Variants in SLIT3 observed in about 807,000 individuals in gnomAD.
SLIT3 encodes slit homolog 3 protein.
In SLIT3, 68 loss-of-function variants were observed where a neutral mutation model predicts 184.0. That is an observed-to-expected ratio of 0.37 (90% CI 0.30 to 0.45). The LOEUF (loss-of-function observed/expected upper bound fraction) is 0.45. Among genes scored for constraint, SLIT3 ranks in the 20% least tolerant of loss-of-function variants. SLIT3 has a pLI of 1.00. For missense variants in SLIT3, 1,707 were observed against 2,026.0 expected, an observed-to-expected ratio of 0.84 and a Z score of 3.02; for synonymous variants, 831 against 828.6, an observed-to-expected ratio of 1.00 and a Z score of -0.05.
intron 4 of SLIT3, among the ~76,000 whole-genome samples, chr5:169,167,187 A>G (rs1200107104): frequency 6.7e-6 from 1 of 148,838 alleles, no homozygotes; most frequent in Non-Finnish European, 1.5e-5. Context: ...CAAAAACAAA[A>G]ACAAAACAAA....
At chr5:168,807,913 G>A (rs951261552) in intron 8 of SLIT3, among the ~76,000 whole-genome samples, 3 of 152,114 alleles carry the variant, frequency 2.0e-5, no homozygotes, top group Non-Finnish European at 2.9e-5. Flanking sequence ...AATAGTCCTC[G>A]TGGCCCCAAG....
At chr5:168,887,202 T>A (rs143379950) in intron 4 of SLIT3, among the ~76,000 whole-genome samples, 1 of 152,184 alleles carries the variant, frequency 6.6e-6, no homozygotes, top group African/African-American at 2.4e-5. Flanking sequence ...CCCCTACCCC[T>A]GCAAGACTAG....
intron 4 of SLIT3, among the ~76,000 whole-genome samples, chr5:169,103,900 T>C (rs1760107555): frequency 6.6e-6 from 1 of 152,196 alleles, no homozygotes; most frequent in South Asian, 2.1e-4. Context: ...AGGGGCAGGA[T>C]GCAGGGCCGA....
intron 9 of SLIT3, among the ~76,000 whole-genome samples, chr5:168,802,142 A>T (rs1309925590): frequency 7.0e-6 from 1 of 142,404 alleles, no homozygotes; most frequent in Admixed American, 6.8e-5. Context: ...GGAATTCTCA[A>T]TAAGAAAAAA....
chr5:168,815,512 G>A (rs35558030), intron 8 of SLIT3, among the ~76,000 whole-genome samples: 20,100 of 152,098 alleles, frequency 0.13, 1,698 homozygotes, highest in East Asian at 0.29. Context: ...ACCCTTTGCC[G>A]AATAATTACT....
At chr5:168,933,698 G>A (rs867997633) in intron 4 of SLIT3, among the ~76,000 whole-genome samples, 2 of 152,160 alleles carry the variant, frequency 1.3e-5, no homozygotes, top group South Asian at 2.1e-4. Context: ...CTCTAGCTCC[G>A]AAGCATTGAT....
Position 168,708,100 on chromosome 5 carries a change from C to T in SLIT3, c.2720G>A (p.Gly907Glu). The T allele has an allele frequency of 6.2e-7, 1 of 1,614,168 alleles. No individual in the cohort carries two copies. ...GGCCACAATGTTGATGTCCACTGGC[C>T]CTGGGCAGCAAAACCAGAGTACTGA... ...TTPTHRFQCK[G>E]PVDINIVAKC... Residue 907 changes from glycine to glutamate, a missense_variant and splice_region_variant, in exon 26 of 36, where the codon GGG (glycine) becomes GAG (glutamate). By Grantham distance (98) the Gly-to-Glu change is moderately conservative. Coordinates refer to ENST00000519560, the MANE Select transcript of SLIT3 (RefSeq NM_003062.4).
At position 169,221,824 on chromosome 5, in the gene SLIT3, C is replaced by T. The variant is rs117653108; in HGVS notation, c.341+22881G>A. Among the ~76,000 whole-genome samples, 173 of 152,308 alleles carry T rather than the reference C, an allele frequency of 1.1e-3. 2 individuals are homozygous for T. The East Asian group carries it at 0.028, about 25-fold the overall frequency. Reference sequence around the variant, plus strand: ...CTTCACTGAGAAGCTCCTTTCTTCCCACTATGTCTCTGCCTCATCCAGACA... The same window carrying T: ...CTTCACTGAGAAGCTCCTTTCTTCCTACTATGTCTCTGCCTCATCCAGACA... On this transcript the variant is annotated intron_variant, in intron 3 of 35. Coordinates refer to ENST00000519560, the MANE Select transcript of SLIT3 (RefSeq NM_003062.4).
At chr5:168,755,835 C>T (rs145014467) in intron 16 of SLIT3, among the ~76,000 whole-genome samples, 1 of 152,176 alleles carries the variant, frequency 6.6e-6, no homozygotes, top group Non-Finnish European at 1.5e-5. Context: ...GAGATCAGAA[C>T]AGCAAGCAGA....
intron 18 of SLIT3, among the ~76,000 whole-genome samples, chr5:168,751,697 C>T (rs10052381): frequency 0.096 from 14,623 of 151,852 alleles, 2,308 homozygotes; most frequent in African/African-American, 0.34. Flanking sequence ...TAATTCTGGT[C>T]CTGATACCCA....
chr5:169,276,849 C>T (rs746233734), intron 1 of SLIT3, among the ~76,000 whole-genome samples: 2 of 152,194 alleles, frequency 1.3e-5, no homozygotes, highest in Non-Finnish European at 2.9e-5. Context: ...TAATTTTCCT[C>T]CTTTATAAAG....
intron 6 of SLIT3, among the ~76,000 whole-genome samples, chr5:168,833,773 A>G (rs1194646832): frequency 1.3e-5 from 2 of 152,218 alleles, no homozygotes; most frequent in Non-Finnish European, 2.9e-5. Flanking sequence ...TGGTTCTTCC[A>G]CGAATTTTTC....
chr5:168,987,825 T>C (rs1446025458), intron 4 of SLIT3, among the ~76,000 whole-genome samples: 1 of 152,256 alleles, frequency 6.6e-6, no homozygotes, highest in Non-Finnish European at 1.5e-5. Context: ...TGATTTCTTA[T>C]GGAATATATA....
At chr5:169,287,240 C>T (rs940742696) in intron 1 of SLIT3, among the ~76,000 whole-genome samples, 5 of 152,140 alleles carry the variant, frequency 3.3e-5, no homozygotes, top group Admixed American at 2.6e-4. Context: ...CTTCCCTTGC[C>T]GTTTTCTTCA....
intron 4 of SLIT3, among the ~76,000 whole-genome samples, chr5:169,046,280 A>T (rs1757620196): frequency 6.6e-6 from 1 of 152,230 alleles, no homozygotes; most frequent in Non-Finnish European, 1.5e-5. Context: ...TGTGAGCACC[A>T]GATGAAAGGC....
At chr5:168,801,923 T>C (rs1401861942) in intron 9 of SLIT3, among the ~76,000 whole-genome samples, 1 of 151,980 alleles carries the variant, frequency 6.6e-6, no homozygotes, top group African/African-American at 2.4e-5. Context: ...GAAGAGAGTC[T>C]GCGAGACTGT....
At chr5:169,158,457 G>T (rs1374004756) in intron 4 of SLIT3, among the ~76,000 whole-genome samples, 1 of 151,620 alleles carries the variant, frequency 6.6e-6, no homozygotes, top group Non-Finnish European at 1.5e-5. Context: ...CTAGCAGATG[G>T]CCCCTAAAAG....
intron 20 of SLIT3, among the ~76,000 whole-genome samples, chr5:168,730,641 G>T: frequency 6.6e-6 from 1 of 151,172 alleles, no homozygotes; most frequent in Non-Finnish European, 1.5e-5. Context: ...GGTCAACAAA[G>T]AAATTAAAAT....
chr5:169,282,502 T>C (rs1767026168), intron 1 of SLIT3, among the ~76,000 whole-genome samples: 1 of 152,196 alleles, frequency 6.6e-6, no homozygotes, highest in Non-Finnish European at 1.5e-5. Flanking sequence ...AGTTACTCCA[T>C]AGAACGTTCT....
Sources: allele counts gnomAD v4.1 joint callset (sites outside exome capture counted in the v4.1 genomes callset), GRCh38; gene constraint gnomAD v4.1.1; transcripts MANE v1.5; gene names NCBI Gene and HGNC (gene_info 2026-07-23, HGNC 2026-07-21).